CYP2J2: variants seen among roughly 807,000 people sequenced by gnomAD.
CYP2J2 encodes cytochrome P450 2J2.
In CYP2J2, 41 loss-of-function variants were observed where a neutral mutation model predicts 48.8. That is an observed-to-expected ratio of 0.84 (90% CI 0.66 to 1.09). The LOEUF is 1.09. Ranked by LOEUF, CYP2J2 falls within the 50% of genes least tolerant of loss-of-function variation. The pLI, the probability that CYP2J2 is intolerant of heterozygous loss-of-function variation, is 0.00. For synonymous variants in CYP2J2, 221 were observed against 227.1 expected (o/e 0.97, Z 0.24); for missense variants, 644 against 617.3 (o/e 1.04, Z -0.46).
chr1:59,916,056 G>A lies in CYP2J2; in HGVS notation c.255C>T (p.Asp85=). 1 of 1,613,324 alleles carries A rather than the reference G, an allele frequency of 6.2e-7. No homozygotes were observed. Among genetic ancestry groups the A allele is most frequent in the Non-Finnish European group, 8.5e-7 (1 of 1,179,692 alleles). The change falls in exon 2 of 9, where the codon GAC becomes GAT. Residue 85 remains aspartate, a synonymous_variant. Coordinates refer to ENST00000371204, the MANE Select transcript of CYP2J2 (RefSeq NM_000775.4). ...AGCCAGTAATAAGAACTGCAGATAT[G>A]TCACCAAGCTCCAAGCTAAAAAGGT... ...YGNLFSLELG[D]ISAVLITGLP...
chr1:59,935,052 ACAC>A, the CYP2J2 span, among the ~76,000 whole-genome samples: 1 of 118,334 alleles, frequency 8.5e-6, no homozygotes, highest in Non-Finnish European at 1.8e-5. Flanking sequence ...ATATATATAT[ACAC>A]AACAGAATAT....
chr1:59,938,963 C>T, the CYP2J2 span, among the ~76,000 whole-genome samples: 1 of 152,302 alleles, frequency 6.6e-6, no homozygotes, highest in Non-Finnish European at 1.5e-5. Context: ...CCTGCATAGC[C>T]GTAGATCCCT....
chr1:59,895,747 CCACT>C (rs780184635), intron 8 of CYP2J2, among the ~76,000 whole-genome samples: 1 of 152,024 alleles, frequency 6.6e-6, no homozygotes, highest in Non-Finnish European at 1.5e-5. Context: ...TGCGCTGCAC[CCACT>C]AACTCGTCAT....
chr1:59,952,021 A>G, the CYP2J2 span, among the ~76,000 whole-genome samples: 3 of 152,030 alleles, frequency 2.0e-5, no homozygotes, highest in Admixed American at 6.6e-5. Context: ...TGACTACCCA[A>G]TACAAAGTTC....
the CYP2J2 span, among the ~76,000 whole-genome samples, chr1:59,948,074 G>T: frequency 2.0e-5 from 3 of 152,172 alleles, no homozygotes; most frequent in African/African-American, 7.2e-5. Context: ...TGAAAATGGA[G>T]AATCTTCATT....
the CYP2J2 span, among the ~76,000 whole-genome samples, chr1:59,947,160 T>G: frequency 6.6e-6 from 1 of 152,114 alleles, no homozygotes; most frequent in African/African-American, 2.4e-5. Context: ...AGACTTATTT[T>G]TTTTTGTCTA....
At chr1:59,937,448 G>T in the CYP2J2 span, among the ~76,000 whole-genome samples, 1 of 151,618 alleles carries the variant, frequency 6.6e-6, no homozygotes, top group African/African-American at 2.4e-5. Context: ...AAGGAAAATC[G>T]ATATTTAAGG....
the CYP2J2 span, among the ~76,000 whole-genome samples, chr1:59,967,218 AT>A: frequency 6.6e-6 from 1 of 152,138 alleles, no homozygotes; most frequent in Admixed American, 6.5e-5. Context: ...CCAGGAACAA[AT>A]CTCCAGGCCA....
rs1288688946 is a variant in CYP2J2 at position 59,909,869 on chromosome 1, GAAAC to G, written c.772_775del (p.Val258LeufsTer3). ...CTTTCTGTGTTTGTCAATCATATGAGAAACAAACAATTTCAGTTTTTTCCAGTTG... is the reference window on the plus strand; with the variant it reads ...CTTTCTGTGTTTGTCAATCATATGAGAAACAATTTCAGTTTTTTCCAGTTG... On this transcript the variant is annotated frameshift_variant, in exon 5 of 9. Transcript: ENST00000371204. LOFTEE classifies it high-confidence loss of function. 1.9e-6 allele frequency: 3 copies of G among 1,611,646 alleles called. No homozygotes were observed. The highest frequency in any genetic ancestry group is 2.2e-5 in the East Asian group (1 of 44,716).
the CYP2J2 span, among the ~76,000 whole-genome samples, chr1:59,941,943 G>A: frequency 6.6e-6 from 1 of 152,046 alleles, no homozygotes; most frequent in South Asian, 2.1e-4. Context: ...AAATTATAAA[G>A]CCTACAGTCA....
intron 6 of CYP2J2, among the ~76,000 whole-genome samples, chr1:59,906,942 T>C (rs777304544): frequency 5.3e-5 from 8 of 152,338 alleles, no homozygotes; most frequent in Non-Finnish European, 1.0e-4. Flanking sequence ...ACTAAATTGA[T>C]TTTATGCCTC....
chr1:59,905,305 C>T (rs1644356134), intron 6 of CYP2J2, among the ~76,000 whole-genome samples: 1 of 152,164 alleles, frequency 6.6e-6, no homozygotes, highest in Non-Finnish European at 1.5e-5. Flanking sequence ...TTACATCAGA[C>T]CCCAGCGGAC....
chr1:59,902,710 C>G (rs769995091), intron 7 of CYP2J2, among the ~76,000 whole-genome samples: 1 of 152,146 alleles, frequency 6.6e-6, no homozygotes, highest in African/African-American at 2.4e-5. Context: ...CCACCATGCC[C>G]GGCCAATAAT....
the CYP2J2 span, among the ~76,000 whole-genome samples, chr1:59,938,784 T>C: frequency 3.9e-5 from 6 of 152,212 alleles, no homozygotes; most frequent in Non-Finnish European, 8.8e-5. Flanking sequence ...CACGAGGCCA[T>C]ATTTCAGACT....
At chr1:59,949,903 A>G in the CYP2J2 span, among the ~76,000 whole-genome samples, 1 of 151,760 alleles carries the variant, frequency 6.6e-6, no homozygotes, top group Non-Finnish European at 1.5e-5. Context: ...ACTACTTTCA[A>G]GGAAGAAGGA....
Position 59,911,763 on chromosome 1 carries a change from G to C in CYP2J2, c.529C>G (p.Pro177Ala). The C allele has an allele frequency of 1.2e-6, 2 of 1,612,538 alleles. No individual in the cohort carries two copies. The highest frequency in any genetic ancestry group is 1.7e-6 in the Non-Finnish European group (2 of 1,179,288). The change falls in exon 4 of 9, where the codon CCT becomes GCT. Residue 177 changes from proline to alanine, a missense_variant. Transcript: ENST00000371204. The part of the protein sequence containing the change: ...TEAIKEENGQ[P>A]FDPHFKINNA... Reference sequence around the variant, plus strand: ...TTGATCTTGAAATGAGGGTCAAAAGGCTGTCCTGAAGGTGGAGGAAGGGCA... The same window carrying C: ...TTGATCTTGAAATGAGGGTCAAAAGCCTGTCCTGAAGGTGGAGGAAGGGCA...
Position 59,909,899 on chromosome 1 carries a change from C to T in CYP2J2, c.746G>A (p.Ser249Asn). The change falls in exon 5 of 9, where the codon AGC becomes AAC. Residue 249 changes from serine to asparagine, a missense_variant. Transcript: ENST00000371204. ...FLPGPHQTLF[S>N]NWKKLKLFVS... ...AAACAATTTCAGTTTTTTCCAGTTG[C>T]TGAAGAGAGTTTGGTGGGGTCCAGG... 6.2e-7 allele frequency: 1 copy of T among 1,611,742 alleles called. No homozygotes were observed. The highest frequency in any genetic ancestry group is 1.7e-5 in the Admixed American group (1 of 59,696).
At chr1:59,940,547 A>G in the CYP2J2 span, among the ~76,000 whole-genome samples, 1 of 152,372 alleles carries the variant, frequency 6.6e-6, no homozygotes, top group East Asian at 1.9e-4. Context: ...GGAAAACAGT[A>G]TGGAGATTTC....
the CYP2J2 span, among the ~76,000 whole-genome samples, chr1:59,951,827 A>G: frequency 1.3e-5 from 2 of 152,176 alleles, no homozygotes; most frequent in South Asian, 4.1e-4. Context: ...GTGTAATACC[A>G]TATCTTTGGC....
Sources: gnomAD v4.1 joint callset for allele counts (sites outside exome capture counted in the v4.1 genomes callset) on GRCh38, gnomAD v4.1.1 for gene constraint, MANE v1.5 for transcripts, NCBI Gene and HGNC (gene_info 2026-07-23, HGNC 2026-07-21) for gene names.